The following TUBB8B variants were observed in gnomAD, a reference collection of about 807,000 sequenced individuals.
TUBB8B encodes the protein HSA18p11 beta-tubulin 4Q pseudogene.
Under a neutral mutation model 31.9 loss-of-function variants are expected in TUBB8B, and 26 were observed. The ratio of observed to expected loss-of-function variants is 0.81; its 90% CI spans 0.60 to 1.13. The LOEUF is 1.13. Among genes scored for constraint, TUBB8B ranks in the 50% most tolerant of loss-of-function variants. The probability of loss-of-function intolerance (pLI) is 0.00; values close to 1 mark genes in which losing one functional copy is unlikely to be tolerated. For synonymous variants in TUBB8B, 173 were observed against 231.0 expected (o/e 0.75, Z 2.28); for missense variants, 467 against 586.7 (o/e 0.80, Z 2.11).
the TUBB8B span, among the ~76,000 whole-genome samples, chr18:72,053 C>A: frequency 1.4e-4 from 21 of 151,908 alleles, no homozygotes; most frequent in African/African-American, 5.1e-4. Context: ...GTGGCAGGCG[C>A]CTGTAATCCC....
At chr18:67,203 G>T in the TUBB8B span, among the ~76,000 whole-genome samples, 4 of 152,120 alleles carry the variant, frequency 2.6e-5, no homozygotes, top group Non-Finnish European at 5.9e-5. Context: ...CACCGTGTTA[G>T]CCAGGATGGT....
chr18:65,410 G>T, the TUBB8B span, among the ~76,000 whole-genome samples: 1 of 152,060 alleles, frequency 6.6e-6, no homozygotes, highest in East Asian at 1.9e-4. Context: ...AGAAAATCAA[G>T]CTGGTTTGGC....
the TUBB8B span, among the ~76,000 whole-genome samples, chr18:57,587 T>C: frequency 6.6e-6 from 1 of 151,880 alleles, no homozygotes; most frequent in Non-Finnish European, 1.5e-5. Flanking sequence ...TTTTGTGTGC[T>C]TCTGGCTTTT....
chr18:48,721 A>C (rs1905870044), intron 3 of TUBB8B: 1 of 691,360 alleles, frequency 1.4e-6, no homozygotes. Flanking sequence ...GCCCCAGCTC[A>C]GCTCCCGGCA....
At chr18:61,321 T>A in the TUBB8B span, among the ~76,000 whole-genome samples, 1 of 151,656 alleles carries the variant, frequency 6.6e-6, no homozygotes, top group African/African-American at 2.4e-5. Context: ...CATCATTTTA[T>A]TTTCAGTCTA....
At chr18:50,045 T>C, upstream of TUBB8B, 1 of 383,608 alleles carries the variant, frequency 2.6e-6, no homozygotes, top group Non-Finnish European at 5.2e-6. Flanking sequence ...ACGTTTTACT[T>C]TGGAGCAGTT....
chr18:59,022 AACTC>A, the TUBB8B span, among the ~76,000 whole-genome samples: 1 of 151,664 alleles, frequency 6.6e-6, no homozygotes. Flanking sequence ...GTCTTATGGG[AACTC>A]ACTCACTATC....
At position 47,258 on chromosome 18, in the gene TUBB8B, T is replaced by C; in HGVS notation, c.*132A>G. ...GAATACTTTATTAGTCAAAACCGCA[T>C]ACTATAAAAATGCTTTAAAACGCAG... is the stretch of plus-strand genomic sequence containing the variant. On this transcript the variant is annotated 3_prime_UTR_variant, in exon 4 of 4. Coordinates refer to ENST00000308911, the MANE Select transcript of TUBB8B (RefSeq NM_001358689.2). 1.8e-6 allele frequency: 1 copy of C among 565,488 alleles called. No homozygotes were observed. The highest frequency in any genetic ancestry group is 3.1e-6 in the Non-Finnish European group (1 of 325,182). 35.0% of individuals were successfully genotyped at this position (565,488 alleles called of 1,614,324 possible).
the TUBB8B span, among the ~76,000 whole-genome samples, chr18:55,991 T>C: frequency 6.6e-6 from 1 of 151,868 alleles, no homozygotes; most frequent in Non-Finnish European, 1.5e-5. Context: ...CCTTAATTCA[T>C]TTTAATTTGA....
the TUBB8B span, among the ~76,000 whole-genome samples, chr18:58,183 T>A: frequency 2.4e-3 from 362 of 151,634 alleles, 2 homozygotes; most frequent in African/African-American, 8.3e-3. Flanking sequence ...TATACAAATA[T>A]CTCTAACAAG....
At chr18:61,777 G>T in the TUBB8B span, among the ~76,000 whole-genome samples, 2 of 151,136 alleles carry the variant, frequency 1.3e-5, no homozygotes, top group Admixed American at 6.6e-5. Context: ...ACTTTTTGTT[G>T]TTTCTCTTCC....
chr18:51,965 A>G (rs1388697118), upstream of TUBB8B, among the ~76,000 whole-genome samples: 1 of 151,334 alleles, frequency 6.6e-6, no homozygotes, highest in Non-Finnish European at 1.5e-5. Context: ...GTGGACTCTG[A>G]CAGGCAAGTA....
At chr18:72,989 A>T in the TUBB8B span, among the ~76,000 whole-genome samples, 1 of 152,070 alleles carries the variant, frequency 6.6e-6, no homozygotes, top group South Asian at 2.1e-4. Context: ...CAAAACAAAA[A>T]ATGAGCACTG....
At chr18:54,709 C>G in the TUBB8B span, among the ~76,000 whole-genome samples, 9 of 151,990 alleles carry the variant, frequency 5.9e-5, no homozygotes, top group Non-Finnish European at 1.0e-4. Flanking sequence ...ATGACAGACT[C>G]TCATTCTTTC....
the TUBB8B span, among the ~76,000 whole-genome samples, chr18:56,696 C>T: frequency 6.6e-6 from 1 of 151,762 alleles, no homozygotes; most frequent in Non-Finnish European, 1.5e-5. Flanking sequence ...CAAGTTATTA[C>T]TTCTAATAGT....
the TUBB8B span, among the ~76,000 whole-genome samples, chr18:61,793 T>C: frequency 6.6e-6 from 1 of 151,688 alleles, no homozygotes; most frequent in Non-Finnish European, 1.5e-5. Flanking sequence ...CTTCCTTCCC[T>C]ATTTTACTGT....
upstream of TUBB8B, chr18:50,114 C>T: frequency 2.8e-6 from 1 of 354,630 alleles, no homozygotes; most frequent in Non-Finnish European, 5.5e-6. Flanking sequence ...TAGCTGGAGT[C>T]TTCTGTAGAG....
chr18:59,587 A>G, the TUBB8B span, among the ~76,000 whole-genome samples: 10 of 139,490 alleles, frequency 7.2e-5, 1 homozygote, highest in Non-Finnish European at 1.4e-4. Flanking sequence ...TCTGTCACCC[A>G]GGCTGGAGTG....
Position 47,649 on chromosome 18 carries a change from C to A in TUBB8B, c.1076G>T (p.Arg359Leu), listed in dbSNP as rs923731334. 7.4e-6 allele frequency: 12 copies of A among 1,612,482 alleles called. No individual in the cohort carries two copies. The highest frequency in any genetic ancestry group is 1.0e-5 in the Non-Finnish European group (12 of 1,179,410). The change falls in exon 4 of 4, where the codon CGG becomes CTG. Residue 359 changes from arginine (R) to leucine (L), a missense_variant. Around this residue, in one of 2 missense-constraint regions of TUBB8B, gnomAD observed 208 missense variants for 206.7 expected, o/e 1.01. Coordinates refer to ENST00000308911, the MANE Select transcript of TUBB8B (RefSeq NM_001358689.2). ...VKTAVCDIPPRGLKMSATFIG... is the reference protein window; with the variant it reads ...VKTAVCDIPPLGLKMSATFIG... Reference sequence around the variant, plus strand: ...GAAGGTGGCTGACATTTTTAGCCCCCGGGGTGGGATGTCACAGACGGCTGT... The same window carrying A: ...GAAGGTGGCTGACATTTTTAGCCCCAGGGGTGGGATGTCACAGACGGCTGT...
Sources: allele counts gnomAD v4.1 joint callset (sites outside exome capture counted in the v4.1 genomes callset), GRCh38; gene constraint gnomAD v4.1.1; regional missense constraint gnomAD v4.1.1; transcripts MANE v1.5; gene names NCBI Gene and HGNC (gene_info 2026-07-23, HGNC 2026-07-21).